Variants in MROH9 observed in about 807,000 individuals in gnomAD.
MROH9 encodes maestro heat like repeat family member 9.
MROH9 carries 92 observed loss-of-function variants against 98.2 expected under a neutral mutation model. The observed-to-expected ratio is 0.94, with a 90% CI of 0.79 to 1.11. The LOEUF is 1.11. MROH9 is among the 50% of genes most tolerant of loss of function. MROH9 has a pLI of 0.00. For missense variants in MROH9, 1,057 were observed against 1,014.8 expected (o/e 1.04, Z -0.57); for synonymous variants, 397 against 368.9 (o/e 1.08, Z -0.87).
At chr1:170,947,442 G>C (rs1004342703) in intron 2 of MROH9, 85 bp from the exon 3 acceptor site, 91 of 1,103,720 alleles carry the variant, frequency 8.2e-5, no homozygotes, top group Non-Finnish European at 1.2e-4. Context: ...GGTCATAGTA[G>C]CTTCAGGTTT....
intron 16 of MROH9, chr1:171,015,244 T>A: frequency 8.8e-6 from 3 of 340,464 alleles, no homozygotes; most frequent in Non-Finnish European, 1.1e-5. Context: ...ATAATACAAG[T>A]TGATGGATTT....
chr1:171,031,650 T>A (rs1652918570), intron 20 of MROH9, among the ~76,000 whole-genome samples: 2 of 152,228 alleles, frequency 1.3e-5, no homozygotes, highest in Admixed American at 6.5e-5. Context: ...AGACGTACTT[T>A]TAGTCTTATG....
intron 10 of MROH9, among the ~76,000 whole-genome samples, chr1:170,988,996 G>A (rs1253234761): frequency 1.3e-5 from 2 of 152,096 alleles, no homozygotes; most frequent in East Asian, 3.9e-4. Flanking sequence ...TGGAACCTAC[G>A]TGGTTGGAAA....
chr1:171,025,481 A>C, intron 20 of MROH9, 61 bp downstream of exon 20: 1 of 1,113,762 alleles, frequency 9.0e-7, no homozygotes, highest in South Asian at 1.4e-5. Flanking sequence ...TGGAGAAGAA[A>C]CTAAAAGTCT....
chr1:170,976,149 C>T (rs4628555), intron 8 of MROH9, among the ~76,000 whole-genome samples: 13,557 of 152,106 alleles, frequency 0.089, 669 homozygotes, highest in Middle Eastern at 0.14. Context: ...AGCCCATTTA[C>T]CTTCAAGGTT....
At chr1:170,971,620 A>T in intron 7 of MROH9, 128 bp from the exon 8 acceptor site, 1 of 1,065,754 alleles carries the variant, frequency 9.4e-7, no homozygotes, top group Non-Finnish European at 1.4e-6. Flanking sequence ...GGATTTGATT[A>T]CAGATATTGT....
intron 1 of MROH9, among the ~76,000 whole-genome samples, chr1:170,943,900 T>G (rs970194197): frequency 6.6e-6 from 1 of 152,036 alleles, no homozygotes; most frequent in African/African-American, 2.4e-5. Context: ...TCTGGCAGTA[T>G]GCATAGAATC....
intron 3 of MROH9, among the ~76,000 whole-genome samples, chr1:170,953,777 A>C (rs1319884181): frequency 6.8e-6 from 1 of 147,436 alleles, no homozygotes; most frequent in Non-Finnish European, 1.5e-5. Flanking sequence ...GAAAGGATGG[A>C]GAGAGGGAGG....
chr1:170,943,241 G>A (rs1369049415), intron 1 of MROH9, among the ~76,000 whole-genome samples: 2 of 151,890 alleles, frequency 1.3e-5, no homozygotes, highest in Admixed American at 6.6e-5. Context: ...AGATATATAA[G>A]AATTTAGGAA....
chr1:171,022,561 A>C (rs2101840036), intron 17 of MROH9, among the ~76,000 whole-genome samples: 1 of 152,240 alleles, frequency 6.6e-6, no homozygotes, highest in South Asian at 2.1e-4. Context: ...AAACACATGG[A>C]CACAAGGAGG....
At chr1:171,062,918 C>T (rs1654055010) in intron 21 of MROH9, among the ~76,000 whole-genome samples, 1 of 152,104 alleles carries the variant, frequency 6.6e-6, no homozygotes, top group Non-Finnish European at 1.5e-5. Context: ...CGACATCCCC[C>T]ACCAGAGTAG....
intron 20 of MROH9, among the ~76,000 whole-genome samples, chr1:171,049,021 T>G (rs1008963001): frequency 6.6e-5 from 10 of 152,086 alleles, no homozygotes; most frequent in Non-Finnish European, 1.5e-4. Context: ...GTATCCAACA[T>G]GCAAGACAAA....
At chr1:171,027,768 C>T (rs1478705900) in intron 20 of MROH9, among the ~76,000 whole-genome samples, 5 of 152,184 alleles carry the variant, frequency 3.3e-5, no homozygotes, top group East Asian at 1.9e-4. Flanking sequence ...GAGATGGTAT[C>T]TCATTATAGT....
chr1:171,055,713 G>T (rs1255527116), intron 20 of MROH9, among the ~76,000 whole-genome samples: 2 of 151,914 alleles, frequency 1.3e-5, no homozygotes, highest in African/African-American at 2.4e-5. Flanking sequence ...CATATTGAGG[G>T]GCCAAGATGT....
chr1:170,972,811 CAAAA>C (rs141109310), intron 8 of MROH9, among the ~76,000 whole-genome samples: 16 of 112,930 alleles, frequency 1.4e-4, no homozygotes, highest in African/African-American at 4.5e-4. Context: ...GACTCCGCCT[CAAAA>C]AAAAAAAAAA....
At chr1:170,974,400 T>A (rs936012263) in intron 8 of MROH9, among the ~76,000 whole-genome samples, 3 of 151,324 alleles carry the variant, frequency 2.0e-5, no homozygotes, top group Admixed American at 6.6e-5. Flanking sequence ...AAGAAAAAAA[T>A]CTTAAAAGGA....
chr1:171,048,195 G>A (rs1653526795), intron 20 of MROH9, among the ~76,000 whole-genome samples: 1 of 152,126 alleles, frequency 6.6e-6, no homozygotes, highest in South Asian at 2.1e-4. Flanking sequence ...CTCTACAATT[G>A]GCATGTGGCA....
At chr1:170,951,260 A>G (rs1649542292) in intron 3 of MROH9, among the ~76,000 whole-genome samples, 1 of 152,126 alleles carries the variant, frequency 6.6e-6, no homozygotes, top group African/African-American at 2.4e-5. Context: ...TTACAGAAAC[A>G]AATTAATTAA....
chr1:171,030,390 T>C (rs1447989589), intron 20 of MROH9, among the ~76,000 whole-genome samples: 1 of 152,190 alleles, frequency 6.6e-6, no homozygotes, highest in Non-Finnish European at 1.5e-5. Flanking sequence ...AGAGCGTCAA[T>C]TTGAGATCTT....
Sources: allele counts gnomAD v4.1 joint callset (sites outside exome capture counted in the v4.1 genomes callset), GRCh38; gene constraint gnomAD v4.1.1; transcripts MANE v1.5; gene names NCBI Gene and HGNC (gene_info 2026-07-23, HGNC 2026-07-21).